The following HPSE2 variants were observed in gnomAD, a reference collection of about 807,000 sequenced individuals.
HPSE2 encodes the protein heparanase 2 (inactive).
HPSE2 carries 38 observed loss-of-function variants against 60.5 expected under a neutral mutation model. The observed-to-expected ratio is 0.63, with a 90% CI of 0.48 to 0.82. HPSE2 has a LOEUF of 0.82. Ranked by LOEUF, HPSE2 falls within the 40% of genes least tolerant of loss-of-function variation. The probability of loss-of-function intolerance (pLI) is 0.00; values close to 1 mark genes in which losing one functional copy is unlikely to be tolerated. For synonymous variants in HPSE2, 295 were observed against 293.2 expected, an observed-to-expected ratio of 1.01 and a Z score of -0.06; for missense variants, 713 against 740.4, an observed-to-expected ratio of 0.96 and a Z score of 0.43.
At chr10:99,235,957 C>A (rs1849833039), upstream of HPSE2, 3 of 576,282 alleles carry the variant, frequency 5.2e-6, no homozygotes, top group Non-Finnish European at 6.2e-6. Context: ...CTCTCCCGCT[C>A]TCTCTCTCTC....
chr10:98,999,954 G>A (rs576486046), intron 3 of HPSE2, among the ~76,000 whole-genome samples: 14 of 152,228 alleles, frequency 9.2e-5, no homozygotes, highest in Middle Eastern at 3.4e-3. Flanking sequence ...TGAATTAGTG[G>A]AGAAAGAATA....
At chr10:99,043,086 C>T (rs1020586139) in intron 3 of HPSE2, among the ~76,000 whole-genome samples, 2 of 152,054 alleles carry the variant, frequency 1.3e-5, no homozygotes, top group Non-Finnish European at 2.9e-5. Context: ...AAAGGGACAC[C>T]GACCCTCCGA....
intron 3 of HPSE2, among the ~76,000 whole-genome samples, chr10:98,842,706 T>C (rs1951944897): frequency 6.6e-6 from 1 of 152,182 alleles, no homozygotes; most frequent in African/African-American, 2.4e-5. Context: ...ATTATCATTG[T>C]CACCCAAAGT....
intron 3 of HPSE2, chr10:99,013,243 T>A: frequency 1.5e-6 from 1 of 651,252 alleles, no homozygotes; most frequent in Non-Finnish European, 2.9e-6. Flanking sequence ...GCTACAGTTA[T>A]GCATTTTTTA....
chr10:98,802,141 A>C (rs947783287), intron 3 of HPSE2, among the ~76,000 whole-genome samples: 2 of 152,250 alleles, frequency 1.3e-5, no homozygotes, highest in East Asian at 3.9e-4. Flanking sequence ...ATATAGAGGA[A>C]TAAAACTAGA....
intron 9 of HPSE2, among the ~76,000 whole-genome samples, chr10:98,571,777 C>G (rs1197377752): frequency 6.6e-6 from 1 of 152,162 alleles, no homozygotes; most frequent in African/African-American, 2.4e-5. Context: ...CACAAAATAA[C>G]TGCTAGGCGA....
At chr10:99,051,039 C>G (rs561686832) in intron 3 of HPSE2, among the ~76,000 whole-genome samples, 2 of 151,694 alleles carry the variant, frequency 1.3e-5, no homozygotes, top group Non-Finnish European at 2.9e-5. Context: ...TGTTAATATC[C>G]AATAAAAAAG....
intron 3 of HPSE2, among the ~76,000 whole-genome samples, chr10:99,137,782 A>C (rs1215117638): frequency 1.2e-4 from 18 of 152,348 alleles, no homozygotes; most frequent in Admixed American, 1.1e-3. Flanking sequence ...TGGGACCTTA[A>C]AAATCCTAGA....
chr10:98,576,369 C>T (rs181997847), intron 9 of HPSE2, among the ~76,000 whole-genome samples: 7 of 152,012 alleles, frequency 4.6e-5, no homozygotes, highest in South Asian at 2.1e-4. Flanking sequence ...AAATAAAAAG[C>T]GACTCAATAC....
chr10:98,900,839 T>A (rs770230234), intron 3 of HPSE2, among the ~76,000 whole-genome samples: 1 of 152,186 alleles, frequency 6.6e-6, no homozygotes, highest in Non-Finnish European at 1.5e-5. Context: ...AACCCATGAA[T>A]TCCACTCCTA....
rs559356912 is a variant in HPSE2 at position 98,797,625 on chromosome 10, C to T, written c.611-53569G>A. Among the ~76,000 whole-genome samples, 23 of 152,068 alleles carry T rather than the reference C, an allele frequency of 1.5e-4. No individual in the cohort carries two copies. In the South Asian group the frequency reaches 4.2e-3, roughly 27 times the overall value. ...TTGGGAGGCCGAGGCGGGCAGATCA[C>T]GAGATCAGGCGATCAAGACCATCCT... is the stretch of plus-strand genomic sequence containing the variant. On this transcript the variant is annotated intron_variant, in intron 3 of 11. Transcript: ENST00000370552.
At chr10:98,877,542 G>A (rs1025197198) in intron 3 of HPSE2, among the ~76,000 whole-genome samples, 10 of 151,662 alleles carry the variant, frequency 6.6e-5, no homozygotes, top group Non-Finnish European at 2.9e-5. Context: ...TAAGTTTATT[G>A]GCAGGATTAT....
chr10:98,945,372 C>A (rs971033607), intron 3 of HPSE2, among the ~76,000 whole-genome samples: 3 of 152,040 alleles, frequency 2.0e-5, no homozygotes, highest in Non-Finnish European at 4.4e-5. Context: ...AAAAAATGAC[C>A]TTTGGCTCAC....
At chr10:98,608,603 G>C (rs1280142940) in intron 9 of HPSE2, among the ~76,000 whole-genome samples, 1 of 152,184 alleles carries the variant, frequency 6.6e-6, no homozygotes, top group Non-Finnish European at 1.5e-5. Context: ...TGCAGCCCAG[G>C]CACTTCGGCC....
At chr10:98,910,185 G>A (rs1953940872) in intron 3 of HPSE2, among the ~76,000 whole-genome samples, 1 of 151,880 alleles carries the variant, frequency 6.6e-6, no homozygotes, top group Non-Finnish European at 1.5e-5. Flanking sequence ...ACAGAGGAAA[G>A]AGACTGACAG....
intron 3 of HPSE2, among the ~76,000 whole-genome samples, chr10:98,988,647 G>A (rs1956438108): frequency 6.8e-6 from 1 of 146,202 alleles, no homozygotes; most frequent in Admixed American, 6.9e-5. Flanking sequence ...TGACAAATGG[G>A]ATCTAATTAA....
intron 3 of HPSE2, among the ~76,000 whole-genome samples, chr10:98,965,438 T>TAA (rs36089500): frequency 4.5e-4 from 66 of 148,208 alleles, no homozygotes; most frequent in Admixed American, 6.7e-4. Flanking sequence ...ACAAATTAAG[T>TAA]AAAAAAAAAA....
In HPSE2 at chr10:98,458,572, A is replaced by G. The variant is rs1158033861; in HGVS notation, c.*1002T>C. 1.3e-5 allele frequency: 2 copies of G among 152,190 alleles called. No individual in the cohort carries two copies. Among genetic ancestry groups the G allele is most frequent in the East Asian group, 3.8e-4 (2 of 5,204 alleles). 9.4% of individuals were successfully genotyped at this position (152,190 alleles called of 1,614,324 possible). ...TGTCTTCCAGTGATGACCTTGATTCACACTTTTTTCTTCTTTTTTAAAAAT... is the reference window on the plus strand; with the variant it reads ...TGTCTTCCAGTGATGACCTTGATTCGCACTTTTTTCTTCTTTTTTAAAAAT... On this transcript the variant is annotated 3_prime_UTR_variant, in exon 12 of 12. Transcript: ENST00000370552.
At chr10:98,872,281 A>G (rs1036729007) in intron 3 of HPSE2, among the ~76,000 whole-genome samples, 3 of 152,080 alleles carry the variant, frequency 2.0e-5, no homozygotes, top group African/African-American at 7.2e-5. Flanking sequence ...TCCAGCCCTA[A>G]TGATAGAATG....
Sources: gnomAD v4.1 joint callset for allele counts (sites outside exome capture counted in the v4.1 genomes callset) on GRCh38, gnomAD v4.1.1 for gene constraint, MANE v1.5 for transcripts, NCBI Gene and HGNC (gene_info 2026-07-23, HGNC 2026-07-21) for gene names.